ZNF518B: variants seen among roughly 807,000 people sequenced by gnomAD.
The protein encoded by ZNF518B is zinc finger protein 518B.
ZNF518B carries 23 observed loss-of-function variants against 56.3 expected under a neutral mutation model. The ratio of observed to expected loss-of-function variants is 0.41; its 90% CI spans 0.29 to 0.58. The LOEUF (loss-of-function observed/expected upper bound fraction) is 0.58. ZNF518B is among the 20% of genes least tolerant of loss of function. The pLI is 0.32. For synonymous variants in ZNF518B, 529 were observed against 465.9 expected, an observed-to-expected ratio of 1.14 and a Z score of -1.74; for missense variants, 1,460 against 1,272.1, an observed-to-expected ratio of 1.15 and a Z score of -2.25.
intron 2 of ZNF518B, among the ~76,000 whole-genome samples, chr4:10,447,067 G>A (rs888880600): frequency 4.6e-5 from 7 of 152,182 alleles, no homozygotes; most frequent in African/African-American, 1.7e-4. Flanking sequence ...GTGCTAAGAA[G>A]CCCATAATAC....
In ZNF518B at chr4:10,443,494, C is replaced by T. The variant is rs1439938731; in HGVS notation, c.2835G>A (p.Val945=). The change falls in exon 3 of 3, where the codon GTG becomes GTA. Residue 945 remains valine (V), a synonymous_variant. Transcript: ENST00000326756. ...KCPRRNQPVI[V]LNHPDVDSPE... is the part of the protein sequence containing the mutation. ...GCGAGTCCACATCAGGGTGGTTTAA[C>T]ACAATGACTGGCTGGTTCCGACGGG... 6.2e-7 allele frequency: 1 copy of T among 1,614,018 alleles called. No homozygotes were observed. Among genetic ancestry groups the T allele is most frequent in the Middle Eastern group, 1.6e-4 (1 of 6,062 alleles).
In ZNF518B at chr4:10,440,881, C is replaced by T. The variant is rs1477380474; in HGVS notation, c.*2223G>A. 6.6e-6 allele frequency: 1 copy of T among 152,390 alleles called. No homozygotes were observed. Among genetic ancestry groups the T allele is most frequent in the Admixed American group, 6.6e-5 (1 of 15,254 alleles). The allele number at this position is 152,390 out of a possible 1,614,324, so 9.4% of individuals were successfully genotyped here. A position where few individuals can be genotyped will look rare whatever the true frequency, so the allele number is the denominator to read the frequency against. On this transcript the variant is annotated 3_prime_UTR_variant, in exon 3 of 3. Coordinates refer to ENST00000326756, the MANE Select transcript of ZNF518B (RefSeq NM_053042.3). ...CAAACAAAACAAAACAAAAAAAAAC[C>T]ACAGCCTTTTCTTCACTCCTCTCCT...
rs1257602592 is a variant in ZNF518B at position 10,441,667 on chromosome 4, T to C, written c.*1437A>G. 3.9e-5 allele frequency: 6 copies of C among 152,468 alleles called. No individual in the cohort carries two copies. The East Asian group carries it at 1.2e-3, about 29-fold the overall frequency. The allele number at this position is 152,468 out of a possible 1,614,324, so 9.4% of individuals were successfully genotyped here. On this transcript the variant is annotated 3_prime_UTR_variant, in exon 3 of 3. Transcript: ENST00000326756. ...CCCAGCTGCACAGGCAAGTGAAGAC[T>C]AGAATCCTGTCTTAAGCACTGACCC...
chr4:10,451,387 A>C (rs1389298862), intron 2 of ZNF518B: 1 of 152,230 alleles, frequency 6.6e-6, no homozygotes, highest in Non-Finnish European at 1.5e-5. Context: ...TCAGATTATA[A>C]AGTTTAAAAT....
At chr4:10,451,218 C>G (rs982268566) in intron 2 of ZNF518B, 2 of 152,132 alleles carry the variant, frequency 1.3e-5, no homozygotes, top group East Asian at 3.8e-4. Context: ...GGAGAATCCA[C>G]ATCAGTGACA....
At position 10,445,738 on chromosome 4, in the gene ZNF518B, A is replaced by G. The variant is rs1429321508; in HGVS notation, c.591T>C (p.Tyr197=). ...CAATATAATCATTTCTAATAGCACC[A>G]TAGTCACAATACTCACACTGATAAG... ...IFPYQCEYCD[Y]GAIRNDYIVK... Residue 197 remains tyrosine, a synonymous_variant, in exon 3 of 3, where the codon TAT becomes TAC. Coordinates refer to ENST00000326756, the MANE Select transcript of ZNF518B (RefSeq NM_053042.3). 1.9e-6 allele frequency: 3 copies of G among 1,614,204 alleles called. No homozygotes were observed. Among genetic ancestry groups the G allele is most frequent in the Admixed American group, 3.3e-5 (2 of 60,028 alleles).
Position 10,447,833 on chromosome 4 carries a change from G to C in ZNF518B, c.-211-1294C>G, listed in dbSNP as rs71604001. ...CCCAGCTAATTTTGTATTTTTAGTA[G>C]AGACAGGGTTTCTCCATGTTGGCCA... On this transcript the variant is annotated intron_variant, in intron 2 of 2. Coordinates refer to ENST00000326756, the MANE Select transcript of ZNF518B (RefSeq NM_053042.3). 1.2e-4 allele frequency among the ~76,000 whole-genome samples: 18 copies of C among 152,138 alleles called. No individual in the cohort carries two copies. The East Asian group carries it at 3.5e-3, about 29-fold the overall frequency.
At chr4:10,446,721 T>G (rs1198864309) in intron 2 of ZNF518B, among the ~76,000 whole-genome samples, 182 bp from the exon 3 acceptor site, 1 of 152,188 alleles carries the variant, frequency 6.6e-6, no homozygotes, top group African/African-American at 2.4e-5. Context: ...GAAAACATTT[T>G]CAAACTCAGC....
rs1352711819 is a variant in ZNF518B, at chr4:10,446,366, G to T, written c.-38C>A. ...TCTAAAAAGAGCCAACTAAAATTCAGAAAGTTTTCACATGATAAAATCCTT... is the reference window on the plus strand; with the variant it reads ...TCTAAAAAGAGCCAACTAAAATTCATAAAGTTTTCACATGATAAAATCCTT... On this transcript the variant is annotated 5_prime_UTR_variant, in exon 3 of 3. It adds an upstream start codon to the 5' untranslated region. Coordinates refer to ENST00000326756, the MANE Select transcript of ZNF518B (RefSeq NM_053042.3). 6.3e-7 allele frequency: 1 copy of T among 1,575,994 alleles called. No individual in the cohort carries two copies. Among genetic ancestry groups the T allele is most frequent in the Non-Finnish European group, 8.7e-7 (1 of 1,154,252 alleles).
chr4:10,441,966 T>C lies in ZNF518B; in HGVS notation c.*1138A>G, dbSNP rs1577218148. 1 of 152,348 alleles carries C rather than the reference T, an allele frequency of 6.6e-6. No homozygotes were observed. The highest frequency in any genetic ancestry group is 1.9e-4 in the East Asian group (1 of 5,190). 9.4% of individuals were successfully genotyped at this position (152,348 alleles called of 1,614,324 possible). A position where few individuals can be genotyped will look rare whatever the true frequency, so the allele number is the denominator to read the frequency against. ...AGTGGGAGGTCTCCATTTTGTTGAT[T>C]CCTGCCATTTTCTAGTAATCGCATG... is the stretch of plus-strand genomic sequence containing the variant. On this transcript the variant is annotated 3_prime_UTR_variant, in exon 3 of 3. Coordinates refer to ENST00000326756, the MANE Select transcript of ZNF518B (RefSeq NM_053042.3).
chr4:10,458,843 T>TC (rs1715651493), upstream of ZNF518B, among the ~76,000 whole-genome samples: 1 of 152,172 alleles, frequency 6.6e-6, no homozygotes, highest in African/African-American at 2.4e-5. Context: ...CAGAGCCACA[T>TC]CAGGAAAAAC....
Position 10,446,347 on chromosome 4 carries a change from A to C in ZNF518B, c.-19T>G. 6.4e-7 allele frequency: 1 copy of C among 1,565,862 alleles called. No individual in the cohort carries two copies. The highest frequency in any genetic ancestry group is 1.5e-5 in the African/African-American group (1 of 67,000). Reference sequence around the variant, plus strand: ...CCTTCATCTTATCTGCATTTCTAAAAAGAGCCAACTAAAATTCAGAAAGTT... The same window carrying C: ...CCTTCATCTTATCTGCATTTCTAAACAGAGCCAACTAAAATTCAGAAAGTT... On this transcript the variant is annotated 5_prime_UTR_variant, in exon 3 of 3. Transcript: ENST00000326756.
In ZNF518B at chr4:10,441,715, CTG is replaced by C. The variant is rs1012575380; in HGVS notation, c.*1387_*1388del. On this transcript the variant is annotated 3_prime_UTR_variant, in exon 3 of 3. Transcript: ENST00000326756. The stretch of plus-strand genomic sequence containing the variant: ...CCCAGCCACCTATCTGCCCAAGAGG[CTG>C]TGCTTGTGCAGGGGGTGGGCCTTTT... The C allele has an allele frequency of 6.6e-6, 1 of 152,260 alleles. No individual in the cohort carries two copies. The highest frequency in any genetic ancestry group is 6.5e-5 in the Admixed American group (1 of 15,284). 9.4% of individuals were successfully genotyped at this position (152,260 alleles called of 1,614,324 possible). A position where few individuals can be genotyped will look rare whatever the true frequency, so the allele number is the denominator to read the frequency against.
At chr4:10,448,588 G>A (rs187492501) in intron 2 of ZNF518B, among the ~76,000 whole-genome samples, 5 of 151,964 alleles carry the variant, frequency 3.3e-5, no homozygotes, top group Non-Finnish European at 5.9e-5. Flanking sequence ...CCCTCAGTCA[G>A]ACTTGCTCTA....
In ZNF518B at chr4:10,443,029, C is replaced by G. The variant is rs1351301358; in HGVS notation, c.*75G>C. 1.4e-5 allele frequency: 18 copies of G among 1,298,700 alleles called. No individual in the cohort carries two copies. The East Asian group carries it at 3.9e-4, about 28-fold the overall frequency. The allele number at this position is 1,298,700 out of a possible 1,614,324, so 80.4% of individuals were successfully genotyped here. A position where few individuals can be genotyped will look rare whatever the true frequency, so the allele number is the denominator to read the frequency against. On this transcript the variant is annotated 3_prime_UTR_variant, in exon 3 of 3. Coordinates refer to ENST00000326756, the MANE Select transcript of ZNF518B (RefSeq NM_053042.3). ...CTCATTTCTACAGTCTGTATTTCTT[C>G]TACTGAATCTTGGTGGAGGGACTCC...
At chr4:10,457,553 C>T (rs961845266), upstream of ZNF518B, 1 of 152,426 alleles carries the variant, frequency 6.6e-6, no homozygotes, top group Non-Finnish European at 1.5e-5. Flanking sequence ...GAGCCTCAGA[C>T]CCAGCCGAGC....
rs746588895 is a variant in ZNF518B, at chr4:10,445,533, G to T, written c.796C>A (p.His266Asn). Residue 266 changes from histidine (H) to asparagine (N), a missense_variant, in exon 3 of 3, where the codon CAT becomes AAT. Coordinates refer to ENST00000326756, the MANE Select transcript of ZNF518B (RefSeq NM_053042.3). The stretch of plus-strand genomic sequence containing the variant: ...TTGTGCATTTTGTCTTTATTTGCAT[G>T]GAGAGAGAAACCTGACAGTTGGTCT... ...WSDQLSGFSL[H>N]ANKDKMHNIM... The T allele has an allele frequency of 3.1e-6, 5 of 1,614,158 alleles. No homozygotes were observed. Among genetic ancestry groups the T allele is most frequent in the Non-Finnish European group, 4.2e-6 (5 of 1,180,022 alleles).
intron 2 of ZNF518B, among the ~76,000 whole-genome samples, chr4:10,449,113 G>A (rs973018657): frequency 1.3e-5 from 2 of 152,206 alleles, no homozygotes; most frequent in Non-Finnish European, 2.9e-5. Context: ...AGCTGCAGCA[G>A]CAGCCAGAAC....
chr4:10,446,471 T>C lies in ZNF518B; in HGVS notation c.-143A>G. The C allele has an allele frequency of 1.3e-6, 1 of 744,346 alleles. No homozygotes were observed. Among genetic ancestry groups the C allele is most frequent in the Non-Finnish European group, 2.2e-6 (1 of 453,968 alleles). 46.1% of individuals were successfully genotyped at this position (744,346 alleles called of 1,614,324 possible). On this transcript the variant is annotated 5_prime_UTR_variant, in exon 3 of 3. It adds an upstream start codon to the 5' untranslated region. Coordinates refer to ENST00000326756, the MANE Select transcript of ZNF518B (RefSeq NM_053042.3). The stretch of plus-strand genomic sequence containing the variant: ...GTGCATACTTAATTATCTTTCTTTA[T>C]ATACTGCCGCAGTAGGTGCATGATC...
Sources: allele counts gnomAD v4.1 joint callset (sites outside exome capture counted in the v4.1 genomes callset), GRCh38; gene constraint gnomAD v4.1.1; transcripts MANE v1.5; gene names NCBI Gene and HGNC (gene_info 2026-07-23, HGNC 2026-07-21).